DEPDC5: variants seen among roughly 807,000 people sequenced by gnomAD.
The protein encoded by DEPDC5 is DEP domain containing 5, GATOR1 subcomplex subunit.
A neutral mutation model predicts 217.3 loss-of-function variants in DEPDC5; 73 were observed. The ratio of observed to expected loss-of-function variants is 0.34; its 90% CI spans 0.28 to 0.41. The LOEUF (loss-of-function observed/expected upper bound fraction) is 0.41. Among genes scored for constraint, DEPDC5 ranks in the 10% least tolerant of loss-of-function variants. DEPDC5 has a pLI of 1.00. For synonymous variants in DEPDC5, 733 were observed against 756.7 expected (o/e 0.97, Z 0.51); for missense variants, 1,675 against 2,070.1 (o/e 0.81, Z 3.70).
chr22:31,806,180 G>A lies in DEPDC5; in HGVS notation c.1276G>A (p.Ala426Thr). ...CNSFTPRIKL[A>T]GKKPASEKAK... ...TAGTTTCACCCCACGAATAAAACTG[G>A]CAGGAAAGAAGGTAGGTTTTTATTT... The change falls in exon 18 of 43, where the codon GCA becomes ACA. Residue 426 changes from alanine to threonine, a missense_variant. Physicochemically the swap from Ala to Thr is moderately conservative, Grantham distance 58. This residue lies in a region of DEPDC5 where 628 missense variants were observed against 762.1 expected (regional missense o/e 0.82). Transcript: ENST00000651528. 1 of 1,613,912 alleles carries A rather than the reference G, an allele frequency of 6.2e-7. No individual in the cohort carries two copies.
intron 22 of DEPDC5, 115 bp downstream of exon 22, chr22:31,819,340 G>A: frequency 8.9e-7 from 1 of 1,122,714 alleles, no homozygotes; most frequent in Non-Finnish European, 1.3e-6. Context: ...CTGTAAGATG[G>A]GATAACCATG....
At chr22:31,790,592 C>G (rs1193390962) in intron 10 of DEPDC5, among the ~76,000 whole-genome samples, 1 of 152,114 alleles carries the variant, frequency 6.6e-6, no homozygotes, top group Non-Finnish European at 1.5e-5. Context: ...GGGTGCTGTT[C>G]TTGTTCCCTA....
At chr22:31,778,026 G>A (rs933934351) in intron 7 of DEPDC5, 73 bp from the exon 8 acceptor site, 2 of 1,537,652 alleles carry the variant, frequency 1.3e-6, no homozygotes, top group Non-Finnish European at 1.8e-6. Flanking sequence ...GGGATTACAG[G>A]CGTGAGCTAT....
chr22:31,794,237 G>A (rs2085997678), intron 12 of DEPDC5, among the ~76,000 whole-genome samples: 1 of 152,032 alleles, frequency 6.6e-6, no homozygotes, highest in Non-Finnish European at 1.5e-5. Context: ...TGAGAGTGAT[G>A]GGCCATCTGC....
At chr22:31,776,718 T>C (rs534813802) in intron 7 of DEPDC5, among the ~76,000 whole-genome samples, 1 of 151,588 alleles carries the variant, frequency 6.6e-6, no homozygotes, top group Non-Finnish European at 1.5e-5. Context: ...AGATTATAGG[T>C]ACCCACCACC....
At chr22:31,889,983 C>T (rs189218871) in intron 38 of DEPDC5, among the ~76,000 whole-genome samples, 27 of 152,184 alleles carry the variant, frequency 1.8e-4, no homozygotes, top group African/African-American at 5.3e-4. Context: ...TGTCCATGGG[C>T]GGCACAGACA....
At position 31,810,661 on chromosome 22, in the gene DEPDC5, TG is replaced by T. The variant is rs1329935023; in HGVS notation, c.1445+25del. Reference sequence around the variant, plus strand: ...CTGCAGGTTTTCTGCCAGATTCACTTGGGGGTGCATATAAAAATTGTGTAGG... The same window carrying T: ...CTGCAGGTTTTCTGCCAGATTCACTTGGGGTGCATATAAAAATTGTGTAGG... On this transcript the variant is annotated intron_variant, in intron 20 of 42. Transcript: ENST00000651528. 6.2e-7 allele frequency: 1 copy of T among 1,613,030 alleles called. No individual in the cohort carries two copies. The highest frequency in any genetic ancestry group is 1.3e-5 in the African/African-American group (1 of 74,852).
At chr22:31,849,064 A>G (rs1219020890) in intron 31 of DEPDC5, among the ~76,000 whole-genome samples, 1 of 152,182 alleles carries the variant, frequency 6.6e-6, no homozygotes, top group East Asian at 1.9e-4. Context: ...AAGCCATTCA[A>G]CAAGTCTCTA....
At chr22:31,761,482 T>C (rs1249251823) in intron 4 of DEPDC5, among the ~76,000 whole-genome samples, 1 of 151,968 alleles carries the variant, frequency 6.6e-6, no homozygotes, top group Non-Finnish European at 1.5e-5. Flanking sequence ...TTTATGACTG[T>C]AGTTCTCTTC....
At chr22:31,880,582 C>T (rs982002995) in intron 38 of DEPDC5, among the ~76,000 whole-genome samples, 2 of 152,184 alleles carry the variant, frequency 1.3e-5, no homozygotes, top group African/African-American at 2.4e-5. Flanking sequence ...GCTGGTAAAA[C>T]GGAGATGTTA....
chr22:31,860,597 C>T, intron 32 of DEPDC5, among the ~76,000 whole-genome samples: 1 of 152,148 alleles, frequency 6.6e-6, no homozygotes, highest in Non-Finnish European at 1.5e-5. Context: ...TGCTTGAATT[C>T]CACAAGGGTA....
chr22:31,855,965 G>A (rs1052349141), intron 31 of DEPDC5, among the ~76,000 whole-genome samples: 3 of 152,092 alleles, frequency 2.0e-5, no homozygotes, highest in African/African-American at 7.2e-5. Flanking sequence ...TCTCAGGGAA[G>A]CGGACTGAGA....
At chr22:31,853,489 TTTTA>T in intron 31 of DEPDC5, 1 of 152,324 alleles carries the variant, frequency 6.6e-6, no homozygotes, top group African/African-American at 2.4e-5. Context: ...GCACAGAATT[TTTTA>T]TTTATGTGTT....
At chr22:31,772,382 T>C (rs1452489343) in intron 7 of DEPDC5, among the ~76,000 whole-genome samples, 1 of 152,134 alleles carries the variant, frequency 6.6e-6, no homozygotes, top group South Asian at 2.1e-4. Context: ...TGGATGGGTA[T>C]CCAGGGTCAG....
At position 31,866,224 on chromosome 22, in the gene DEPDC5, G is replaced by A. The variant is rs932153229; in HGVS notation, c.3331-4366G>A. On this transcript the variant is annotated intron_variant, in intron 33 of 42. Coordinates refer to ENST00000651528, the MANE Select transcript of DEPDC5 (RefSeq NM_001242896.3). ...AAGTGGGGGGAAATTGGGGATTGGTGCTGCTGCTGAGAGGTTTGGTTTTTT... is the reference window on the plus strand; with the variant it reads ...AAGTGGGGGGAAATTGGGGATTGGTACTGCTGCTGAGAGGTTTGGTTTTTT... Among the ~76,000 whole-genome samples, 21 of 152,256 alleles carry A rather than the reference G, an allele frequency of 1.4e-4. No individual in the cohort carries two copies. The East Asian group carries it at 3.7e-3, about 27-fold the overall frequency.
At position 31,872,539 on chromosome 22, in the gene DEPDC5, C is replaced by G. The variant is rs1368657024; in HGVS notation, c.3486-716C>G. Among the ~76,000 whole-genome samples, 4 of 152,134 alleles carry G rather than the reference C, an allele frequency of 2.6e-5. No individual in the cohort carries two copies. In the South Asian group the frequency reaches 8.3e-4, roughly 31 times the overall value. ...ATACTGGGATTCCATTCCCCATGCT[C>G]TTAGGGTGTTACCTAGTACTCTGGT... On this transcript the variant is annotated intron_variant, in intron 34 of 42. Transcript: ENST00000651528.
chr22:31,781,170 C>T (rs910464715), intron 8 of DEPDC5, among the ~76,000 whole-genome samples: 1 of 150,224 alleles, frequency 6.7e-6, no homozygotes, highest in Non-Finnish European at 1.5e-5. Flanking sequence ...GAACCAAGAT[C>T]GCGCCATTGC....
At chr22:31,797,456 A>T in intron 12 of DEPDC5, 144 bp from the exon 13 acceptor site, 1 of 640,246 alleles carries the variant, frequency 1.6e-6, no homozygotes, top group Non-Finnish European at 2.8e-6. Flanking sequence ...GCATGGAGGA[A>T]ACCACCCCCA....
At chr22:31,896,328 A>T (rs563099419) in intron 39 of DEPDC5, among the ~76,000 whole-genome samples, 6 of 152,308 alleles carry the variant, frequency 3.9e-5, no homozygotes, top group Admixed American at 1.3e-4. Context: ...CTTAGGAATT[A>T]TTTCGGTCAA....
Sources: allele counts gnomAD v4.1 joint callset (sites outside exome capture counted in the v4.1 genomes callset), GRCh38; gene constraint gnomAD v4.1.1; regional missense constraint gnomAD v4.1.1; transcripts MANE v1.5; gene names NCBI Gene and HGNC (gene_info 2026-07-23, HGNC 2026-07-21).